The following HGS variants were observed in gnomAD, a reference collection of about 807,000 sequenced individuals.
HGS encodes hepatocyte growth factor-regulated tyrosine kinase substrate.
Under a neutral mutation model 109.7 loss-of-function variants are expected in HGS, and 63 were observed. The observed-to-expected ratio is 0.57, with a 90% CI of 0.47 to 0.71. HGS has a LOEUF of 0.71. Among genes scored for constraint, HGS ranks in the 30% least tolerant of loss-of-function variants. The pLI is 0.00. For missense variants in HGS, 995 were observed against 1,068.3 expected (o/e 0.93, Z 0.96); for synonymous variants, 546 against 437.3 (o/e 1.25, Z -3.10).
chr17:81,691,788 A>G lies in HGS; in HGVS notation c.662+217A>G. 1 of 528,070 alleles carries G rather than the reference A, an allele frequency of 1.9e-6. No homozygotes were observed. Among genetic ancestry groups the G allele is most frequent in the Non-Finnish European group, 3.4e-6 (1 of 296,270 alleles). 32.7% of individuals were successfully genotyped at this position (528,070 alleles called of 1,614,324 possible). On this transcript the variant is annotated intron_variant, in intron 8 of 21. Transcript: ENST00000329138. The surrounding 1 kb of genome is among the most constrained non-coding windows in gnomAD (Gnocchi z 5.3). Reference sequence around the variant, plus strand: ...GTGAGAGACAGGGCGCCGCGGCTCCAGGGACCGAGGCTGCCCCGACAAACC... The same window carrying G: ...GTGAGAGACAGGGCGCCGCGGCTCCGGGGACCGAGGCTGCCCCGACAAACC...
chr17:81,686,137 C>T lies in HGS; in HGVS notation c.123-175C>T. The T allele has an allele frequency of 5.0e-6, 3 of 603,514 alleles. No homozygotes were observed. The South Asian group carries it at 5.9e-5, about 12-fold the overall frequency. The allele number at this position is 603,514 out of a possible 1,614,324, so 37.4% of individuals were successfully genotyped here. The stretch of plus-strand genomic sequence containing the variant: ...GTAGAGATGGGTTTTTGCCGTAATG[C>T]ACAGGCTGGTCTCAGACTCCTGGGC... On this transcript the variant is annotated intron_variant, in intron 2 of 21. Coordinates refer to ENST00000329138, the MANE Select transcript of HGS (RefSeq NM_004712.5).
At chr17:81,701,001 G>A in intron 20 of HGS, 44 bp from the exon 21 acceptor site, 1 of 1,577,738 alleles carries the variant, frequency 6.3e-7, no homozygotes, top group Non-Finnish European at 8.7e-7. Context: ...CCGCCTGCCT[G>A]GTCACAGGGC....
chr17:81,694,746 G>C, intron 11 of HGS, 69 bp from the exon 12 acceptor site: 6 of 1,595,836 alleles, frequency 3.8e-6, no homozygotes, highest in Non-Finnish European at 5.2e-6. Flanking sequence ...TCGCACTGGG[G>C]ACATCCCTGT....
intron 5 of HGS, 64 bp downstream of exon 5, chr17:81,688,891 G>T: frequency 1.2e-6 from 2 of 1,601,164 alleles, no homozygotes; most frequent in South Asian, 2.2e-5. Context: ...CAGGCTCAAC[G>T]GGCACAGTGG....
rs1255242707 is a variant in HGS, at chr17:81,691,403, G to T, written c.538-44G>T. 6.2e-7 allele frequency: 1 copy of T among 1,610,954 alleles called. No homozygotes were observed. The highest frequency in any genetic ancestry group is 1.3e-5 in the African/African-American group (1 of 74,958). ...GTTCTGGGCCGGGTGGCGCATCAGG[G>T]TCCCCCAGTGCCTGTGACCAGGCCC... On this transcript the variant is annotated intron_variant, in intron 7 of 21. Transcript: ENST00000329138. The surrounding 1 kb of genome is among the most constrained non-coding windows in gnomAD (Gnocchi z 5.3).
intron 8 of HGS, 73 bp from the exon 9 acceptor site, chr17:81,693,430 T>G (rs942985973): frequency 4.6e-6 from 5 of 1,098,140 alleles, no homozygotes; most frequent in Non-Finnish European, 6.9e-6. Context: ...CCCGCAGAGG[T>G]GTGGTTGAGA....
chr17:81,696,778 T>C, intron 17 of HGS, 31 bp downstream of exon 17: 1 of 1,602,774 alleles, frequency 6.2e-7, no homozygotes, highest in Non-Finnish European at 8.5e-7. Context: ...ACCCAGAGGC[T>C]TGTGGGCTGA....
Position 81,691,107 on chromosome 17 carries a change from T to TG in HGS, c.538-338dup, listed in dbSNP as rs2037057723. 2.3e-6 allele frequency: 1 copy of TG among 443,252 alleles called. No homozygotes were observed. 27.5% of individuals were successfully genotyped at this position (443,252 alleles called of 1,614,324 possible). A position where few individuals can be genotyped will look rare whatever the true frequency, so the allele number is the denominator to read the frequency against. On this transcript the variant is annotated intron_variant, in intron 7 of 21. Coordinates refer to ENST00000329138, the MANE Select transcript of HGS (RefSeq NM_004712.5). The surrounding 1 kb of genome is among the most constrained non-coding windows in gnomAD (Gnocchi z 5.3). ...CTTCACATCAAAACCCCCTCCAGGCTGGCAACCGGCAGTGCTTGGGGTTTG... is the reference window on the plus strand; with the variant it reads ...CTTCACATCAAAACCCCCTCCAGGCTGGGCAACCGGCAGTGCTTGGGGTTTG...
intron 21 of HGS, 55 bp from the exon 22 acceptor site, chr17:81,701,453 C>G: frequency 1.3e-6 from 2 of 1,500,318 alleles, no homozygotes; most frequent in South Asian, 2.4e-5. Context: ...AAAAGCCTTC[C>G]TCCCTGGGCT....
In HGS at chr17:81,690,179, C is replaced by T. The variant is rs1011722704; in HGVS notation, c.416-3C>T. ...GGCAGTGACTATGGCTTCATCTCTC[C>T]AGGGCACGTCTTTCCAGAATTCAAA... On this transcript the variant is annotated splice_region_variant and splice_polypyrimidine_tract_variant and intron_variant, in intron 5 of 21. Transcript: ENST00000329138. 1.2e-6 allele frequency: 2 copies of T among 1,613,530 alleles called. No homozygotes were observed. The highest frequency in any genetic ancestry group is 1.7e-4 in the Middle Eastern group (1 of 6,054).
rs2037226029 is a variant in HGS at position 81,700,830 on chromosome 17, G to C, written c.2136+16G>C. Reference sequence around the variant, plus strand: ...CAACATGCAGGTACAGTGACCTCCAGGCCCTGCTGGGGGCCAGGGTGGGGG... The same window carrying C: ...CAACATGCAGGTACAGTGACCTCCACGCCCTGCTGGGGGCCAGGGTGGGGG... On this transcript the variant is annotated intron_variant, in intron 20 of 21. Transcript: ENST00000329138. 1 of 1,605,608 alleles carries C rather than the reference G, an allele frequency of 6.2e-7. No homozygotes were observed. Among genetic ancestry groups the C allele is most frequent in the Non-Finnish European group, 8.5e-7 (1 of 1,175,132 alleles).
In HGS at chr17:81,690,216, C is replaced by T; in HGVS notation, c.450C>T (p.Ala150=). ...HVFPEFKESD[A]MFAAERAPDW... is the part of the protein sequence containing the mutation. ...TTCCAGAATTCAAAGAGAGCGATGCCATGTTTGCTGCCGAGAGAGTGAGTG... is the reference window on the plus strand; with the variant it reads ...TTCCAGAATTCAAAGAGAGCGATGCTATGTTTGCTGCCGAGAGAGTGAGTG... Residue 150 remains alanine, a synonymous_variant, in exon 6 of 22, where the codon GCC becomes GCT. Coordinates refer to ENST00000329138, the MANE Select transcript of HGS (RefSeq NM_004712.5). 1 of 1,613,856 alleles carries T rather than the reference C, an allele frequency of 6.2e-7. No individual in the cohort carries two copies. The highest frequency in any genetic ancestry group is 8.5e-7 in the Non-Finnish European group (1 of 1,179,854).
chr17:81,693,571 A>C lies in HGS; in HGVS notation c.731A>C (p.Gln244Pro), dbSNP rs748720364. 1.1e-5 allele frequency: 18 copies of C among 1,608,826 alleles called. No homozygotes were observed. The highest frequency in any genetic ancestry group is 3.3e-4 in the Middle Eastern group (2 of 6,034). Reference protein sequence around the residue: ...PPEYLTSPLSQQSQLPPKRDE... With the variant: ...PPEYLTSPLSPQSQLPPKRDE... ...GAGTACCTGACCAGCCCCCTGTCTC[A>C]GCAGTCCCAGGTACTCAGCCCCCTC... Residue 244 changes from glutamine (Q) to proline (P), a missense_variant, in exon 9 of 22, where the codon CAG becomes CCG. By Grantham distance (76) the Gln-to-Pro change is moderately conservative. Coordinates refer to ENST00000329138, the MANE Select transcript of HGS (RefSeq NM_004712.5).
Position 81,695,981 on chromosome 17 carries a change from C to G in HGS, c.1375C>G (p.Gln459Glu). 6.4e-7 allele frequency: 1 copy of G among 1,561,044 alleles called. No homozygotes were observed. Among genetic ancestry groups the G allele is most frequent in the Non-Finnish European group, 8.7e-7 (1 of 1,149,888 alleles). ...CCCGCAGCTGCTGGAGCTGCTCAAC[C>G]AGCTGGACGAGCGCAGGCGTAGGTG... is the stretch of plus-strand genomic sequence containing the variant. The part of the protein sequence containing the change: ...MHPQLLELLN[Q>E]LDERRLYYEG... Residue 459 changes from glutamine to glutamate, a missense_variant, in exon 15 of 22, where the codon CAG (glutamine) becomes GAG (glutamate). Around this residue, in one of 6 missense-constraint regions of HGS, gnomAD observed 163 missense variants for 217.8 expected, o/e 0.75. Transcript: ENST00000329138.
Position 81,684,037 on chromosome 17 carries a change from CGCG to C in HGS, c.-26_-24del. 2 of 1,583,046 alleles carry C rather than the reference CGCG, an allele frequency of 1.3e-6. No homozygotes were observed. The highest frequency in any genetic ancestry group is 1.7e-6 in the Non-Finnish European group (2 of 1,168,028). On this transcript the variant is annotated 5_prime_UTR_variant, in exon 1 of 22. Transcript: ENST00000329138. The stretch of plus-strand genomic sequence containing the variant: ...CGCCAGCTCGTAGCAGGGGAGCGCC[CGCG>C]GCGTCGGGTTTGGGCTGGAGGTCGC...
Position 81,701,736 on chromosome 17 carries a change from G to C in HGS, c.*118G>C. 7.1e-7 allele frequency: 1 copy of C among 1,403,462 alleles called. No homozygotes were observed. The highest frequency in any genetic ancestry group is 9.4e-7 in the Non-Finnish European group (1 of 1,060,474). 86.9% of individuals were successfully genotyped at this position (1,403,462 alleles called of 1,614,324 possible). A position where few individuals can be genotyped will look rare whatever the true frequency, so the allele number is the denominator to read the frequency against. ...ACTGCCGGTAGTGTCCCTTCTCTGC[G>C]AGTGAGGGGGGGCCTTCACCCCAAG... On this transcript the variant is annotated 3_prime_UTR_variant, in exon 22 of 22. Coordinates refer to ENST00000329138, the MANE Select transcript of HGS (RefSeq NM_004712.5).
rs375293312 is a variant in HGS at position 81,686,384 on chromosome 17, G to A, written c.195G>A (p.Leu65=). The A allele has an allele frequency of 3.8e-5, 61 of 1,613,184 alleles. 1 individual carries two copies. In the African/African-American group the frequency reaches 8.0e-4, roughly 21 times the overall value. The change falls in exon 3 of 22, where the codon CTG becomes CTA. Residue 65 remains leucine, a synonymous_variant. Coordinates refer to ENST00000329138, the MANE Select transcript of HGS (RefSeq NM_004712.5). ...ACCCACACGTCGCCTTGTATGCCCT[G>A]GAGGTAAGCAGACCCCCGTGCCTCA... ...DKNPHVALYA[L]EVMESVVKNC...
intron 15 of HGS, 133 bp from the exon 16 acceptor site, chr17:81,696,224 C>A: frequency 8.0e-7 from 1 of 1,244,964 alleles, no homozygotes; most frequent in South Asian, 1.6e-5. Context: ...GCCTGCCTCC[C>A]CCAGAGCCCA....
intron 1 of HGS, chr17:81,685,215 G>A: frequency 3.7e-6 from 1 of 273,610 alleles, no homozygotes; most frequent in Non-Finnish European, 5.6e-6. Context: ...GCATCTGGGC[G>A]AACGGGGACT....
Sources: gnomAD v4.1 joint callset for allele counts on GRCh38, gnomAD v4.1.1 for gene constraint, gnomAD v4.1.1 regional missense constraint, Gnocchi (gnomAD v3.1) non-coding constraint, MANE v1.5 for transcripts, NCBI Gene and HGNC (gene_info 2026-07-23, HGNC 2026-07-21) for gene names.